The following PTDSS1 variants were observed in gnomAD, a reference collection of about 807,000 sequenced individuals.
The protein encoded by PTDSS1 is phosphatidylserine synthase 1.
PTDSS1 carries 45 observed loss-of-function variants against 70.5 expected under a neutral mutation model. That is an observed-to-expected ratio of 0.64 (90% CI 0.50 to 0.82). The LOEUF is 0.82. Ranked by LOEUF, PTDSS1 falls within the 40% of genes least tolerant of loss-of-function variation. The pLI, the probability that PTDSS1 is intolerant of heterozygous loss-of-function variation, is 0.00. For missense variants in PTDSS1, 417 were observed against 586.1 expected, an observed-to-expected ratio of 0.71 and a Z score of 2.98; for synonymous variants, 188 against 203.8, an observed-to-expected ratio of 0.92 and a Z score of 0.66.
intron 1 of PTDSS1, among the ~76,000 whole-genome samples, chr8:96,269,910 G>A (rs28713338): frequency 0.073 from 11,181 of 152,256 alleles, 458 homozygotes; most frequent in African/African-American, 0.083. Flanking sequence ...CAAACGTTGT[G>A]AACTCATGAT....
At chr8:96,332,869 G>A (rs532757091) in intron 12 of PTDSS1, among the ~76,000 whole-genome samples, 8 of 152,318 alleles carry the variant, frequency 5.3e-5, no homozygotes, top group Admixed American at 2.0e-4. Flanking sequence ...TGGCTTGGCC[G>A]CTAGGCCAGG....
At chr8:96,312,653 A>G (rs920941881) in intron 9 of PTDSS1, among the ~76,000 whole-genome samples, 1 of 151,978 alleles carries the variant, frequency 6.6e-6, no homozygotes, top group East Asian at 1.9e-4. Context: ...GAGATTGAAG[A>G]CTCTTGTGAG....
chr8:96,299,585 TGTC>T (rs1232311253), intron 5 of PTDSS1, 106 bp from the exon 6 acceptor site: 4 of 1,189,894 alleles, frequency 3.4e-6, no homozygotes, highest in Non-Finnish European at 4.6e-6. Flanking sequence ...AAAAATGAAA[TGTC>T]AACAACTTCT....
intron 10 of PTDSS1, among the ~76,000 whole-genome samples, chr8:96,324,967 T>TA (rs1482745250): frequency 6.6e-6 from 1 of 152,204 alleles, no homozygotes; most frequent in Non-Finnish European, 1.5e-5. Flanking sequence ...ACAGACCTCT[T>TA]AGTCCGGGCT....
intron 1 of PTDSS1, among the ~76,000 whole-genome samples, chr8:96,263,942 G>C (rs1008298567): frequency 6.6e-6 from 1 of 152,064 alleles, no homozygotes; most frequent in African/African-American, 2.4e-5. Context: ...TGTTATGTAA[G>C]TGTTTATCCA....
In PTDSS1 at chr8:96,262,541, G is replaced by A. The variant is rs1371539941; in HGVS notation, c.179+322G>A. Among the ~76,000 whole-genome samples, 1 of 152,062 alleles carries A rather than the reference G, an allele frequency of 6.6e-6. No homozygotes were observed. The highest frequency in any genetic ancestry group is 1.9e-4 in the East Asian group (1 of 5,180). On this transcript the variant is annotated intron_variant, in intron 1 of 12. Transcript: ENST00000517309. The surrounding 1 kb of genome is among the most constrained non-coding windows in gnomAD (Gnocchi z 4.4). ...CGCTCCACACAACATCACGACGCGG[G>A]CCCCTCCTCTGCACTGCTCCAGCCT...
chr8:96,262,586 C>A lies in PTDSS1; in HGVS notation c.179+367C>A, dbSNP rs747621994. 6.6e-6 allele frequency among the ~76,000 whole-genome samples: 1 copy of A among 152,136 alleles called. No individual in the cohort carries two copies. The highest frequency in any genetic ancestry group is 2.4e-5 in the African/African-American group (1 of 41,422). On this transcript the variant is annotated intron_variant, in intron 1 of 12. Transcript: ENST00000517309. The surrounding 1 kb of genome is among the most constrained non-coding windows in gnomAD (Gnocchi z 4.4). The stretch of plus-strand genomic sequence containing the variant: ...CAGCCTTCGTCCCTACCCAGCACAC[C>A]GCATGAATCATGTCGTATGCACCAC...
chr8:96,324,522 AG>A (rs532993963), intron 10 of PTDSS1, among the ~76,000 whole-genome samples: 28 of 152,354 alleles, frequency 1.8e-4, no homozygotes, highest in Non-Finnish European at 3.8e-4. Context: ...GAAGTCCAAA[AG>A]TATGGCAATG....
rs1270192688 is a variant in PTDSS1 at position 96,331,021 on chromosome 8, C to T, written c.1243-5C>T. 1.2e-6 allele frequency: 2 copies of T among 1,612,102 alleles called. No individual in the cohort carries two copies. The highest frequency in any genetic ancestry group is 4.5e-5 in the East Asian group (2 of 44,866). The stretch of plus-strand genomic sequence containing the variant: ...TTCCTGCACTAAGCCTGTCTCTCTC[C>T]CTAGACCTACTCGGAGTGTGAAGAT... On this transcript the variant is annotated splice_region_variant and splice_polypyrimidine_tract_variant and intron_variant, in intron 11 of 12. Coordinates refer to ENST00000517309, the MANE Select transcript of PTDSS1 (RefSeq NM_014754.3).
chr8:96,270,568 C>T (rs565039320), intron 1 of PTDSS1, among the ~76,000 whole-genome samples: 2 of 152,274 alleles, frequency 1.3e-5, no homozygotes, highest in African/African-American at 2.4e-5. Context: ...TCTCTGCTCT[C>T]GAAACTCACA....
intron 6 of PTDSS1, among the ~76,000 whole-genome samples, chr8:96,301,374 C>T (rs1038584349): frequency 2.6e-5 from 4 of 152,024 alleles, no homozygotes; most frequent in Admixed American, 2.0e-4. Context: ...GGATTACAGG[C>T]GTGAGCCACT....
chr8:96,303,801 G>A (rs747416051), intron 6 of PTDSS1, among the ~76,000 whole-genome samples: 41 of 152,108 alleles, frequency 2.7e-4, no homozygotes, highest in Non-Finnish European at 4.7e-4. Flanking sequence ...GACAAGCAGT[G>A]GGAGAACAGT....
intron 2 of PTDSS1, among the ~76,000 whole-genome samples, chr8:96,274,142 AT>A (rs905402341): frequency 3.2e-3 from 435 of 135,264 alleles, no homozygotes; most frequent in Middle Eastern, 3.8e-3. Context: ...CTTGTCTTCT[AT>A]TTTTTTTTTT....
Position 96,262,289 on chromosome 8 carries a change from G to GGGT in PTDSS1, c.179+70_179+71insGGT. On this transcript the variant is annotated intron_variant, in intron 1 of 12. Coordinates refer to ENST00000517309, the MANE Select transcript of PTDSS1 (RefSeq NM_014754.3). This position sits in a 1 kb window ranked among gnomAD's most constrained non-coding sequence, Gnocchi z 4.4. ...AAGAGGCGGGAGGGAGGGTGGCGGG[G>GGGT]AGGGGGGCCCGGCATGGCTCTGGGT... is the stretch of plus-strand genomic sequence containing the variant. 9.3e-7 allele frequency: 1 copy of GGGT among 1,070,680 alleles called. No individual in the cohort carries two copies. The highest frequency in any genetic ancestry group is 1.4e-6 in the Non-Finnish European group (1 of 734,664). The allele number at this position is 1,070,680 out of a possible 1,614,324, so 66.3% of individuals were successfully genotyped here.
At chr8:96,286,417 T>C (rs2130054915) in intron 3 of PTDSS1, among the ~76,000 whole-genome samples, 2 of 152,340 alleles carry the variant, frequency 1.3e-5, no homozygotes, top group Middle Eastern at 6.8e-3. Context: ...CACGGGGTAA[T>C]GTGGAGTGTA....
chr8:96,297,671 A>G (rs376077341), intron 5 of PTDSS1, among the ~76,000 whole-genome samples: 52 of 152,084 alleles, frequency 3.4e-4, no homozygotes, highest in African/African-American at 1.2e-3. Flanking sequence ...ACCTGCTAAC[A>G]AGCTGTCTCC....
intron 7 of PTDSS1, among the ~76,000 whole-genome samples, chr8:96,304,919 G>A: frequency 6.6e-6 from 1 of 152,158 alleles, no homozygotes; most frequent in East Asian, 1.9e-4. Flanking sequence ...CCCAACATAA[G>A]GAAAAAATTA....
intron 10 of PTDSS1, among the ~76,000 whole-genome samples, chr8:96,323,917 A>T (rs754208188): frequency 1.3e-5 from 2 of 151,998 alleles, no homozygotes; most frequent in Non-Finnish European, 2.9e-5. Flanking sequence ...TCTTTAAGTC[A>T]TTTCCTTCCT....
intron 2 of PTDSS1, among the ~76,000 whole-genome samples, chr8:96,275,819 T>C (rs1384046126): frequency 6.6e-6 from 1 of 152,236 alleles, no homozygotes; most frequent in Non-Finnish European, 1.5e-5. Context: ...TTCTACCTTC[T>C]GTATCCCGTG....
Sources: allele counts gnomAD v4.1 joint callset (sites outside exome capture counted in the v4.1 genomes callset), GRCh38; gene constraint gnomAD v4.1.1; non-coding constraint Gnocchi (gnomAD v3.1); transcripts MANE v1.5; gene names NCBI Gene and HGNC (gene_info 2026-07-23, HGNC 2026-07-21).